Variants in ZSWIM5 observed in about 807,000 individuals in gnomAD.
The protein encoded by ZSWIM5 is zinc finger SWIM domain-containing protein 5.
ZSWIM5 carries 55 observed loss-of-function variants against 119.6 expected under a neutral mutation model. The ratio of observed to expected loss-of-function variants is 0.46; its 90% confidence interval spans 0.37 to 0.58. The LOEUF is 0.58. ZSWIM5 is among the 20% of genes least tolerant of loss of function. ZSWIM5 has a pLI of 0.00. For missense variants in ZSWIM5, 1,193 were observed against 1,512.8 expected, an observed-to-expected ratio of 0.79 and a Z score of 3.51; for synonymous variants, 537 against 606.9, an observed-to-expected ratio of 0.88 and a Z score of 1.69.
intron 3 of ZSWIM5, 131 bp from the exon 4 acceptor site, chr1:45,058,890 G>T: frequency 9.7e-7 from 1 of 1,027,082 alleles, no homozygotes; most frequent in African/African-American, 1.6e-5. Flanking sequence ...CAGAAAGAAG[G>T]CCTCTTGTTC....
Position 45,036,056 on chromosome 1 carries a change from C to T in ZSWIM5, c.2138G>A (p.Cys713Tyr), listed in dbSNP as rs780357814. 1.2e-6 allele frequency: 2 copies of T among 1,613,870 alleles called. No homozygotes were observed. The highest frequency in any genetic ancestry group is 8.5e-7 in the Non-Finnish European group (1 of 1,179,942). ...CTACTTACCTTCCAGCAGTAAGATG[C>T]ATTGTTTTTGCAGTGTTTGCACTAG... ...DELVQTLQKQ[C>Y]ILLLEGGPFS... Residue 713 changes from cysteine to tyrosine, a missense_variant, in exon 9 of 14, where the codon TGC becomes TAC. Cys to Tyr is a radical substitution (Grantham distance 194). Coordinates refer to ENST00000359600, the MANE Select transcript of ZSWIM5 (RefSeq NM_020883.2).
chr1:45,157,295 C>T (rs865821488), intron 1 of ZSWIM5, among the ~76,000 whole-genome samples: 5 of 152,268 alleles, frequency 3.3e-5, no homozygotes, highest in Middle Eastern at 3.4e-3. Flanking sequence ...CTGCCTCAGC[C>T]TCCCAAGTAG....
chr1:45,038,062 T>C (rs1356939449), intron 8 of ZSWIM5, among the ~76,000 whole-genome samples: 1 of 152,214 alleles, frequency 6.6e-6, no homozygotes, highest in African/African-American at 2.4e-5. Context: ...TGTAGCATGC[T>C]AAATACTAAA....
chr1:45,138,651 C>T (rs1645704523), intron 1 of ZSWIM5, among the ~76,000 whole-genome samples: 1 of 152,000 alleles, frequency 6.6e-6, no homozygotes, highest in African/African-American at 2.4e-5. Flanking sequence ...CTTCATTATA[C>T]AGGCATGATT....
intron 7 of ZSWIM5, 136 bp from the exon 8 acceptor site, chr1:45,039,209 G>T: frequency 8.9e-7 from 1 of 1,125,806 alleles, no homozygotes; most frequent in Non-Finnish European, 1.3e-6. Flanking sequence ...CTTGCCTTGG[G>T]TTGATACGGC....
At chr1:45,131,064 T>C (rs1447550605) in intron 1 of ZSWIM5, among the ~76,000 whole-genome samples, 1 of 152,176 alleles carries the variant, frequency 6.6e-6, no homozygotes, top group East Asian at 1.9e-4. Flanking sequence ...AGATTAGTGG[T>C]TGGCAGGGAT....
chr1:45,056,928 G>C (rs766374307), intron 4 of ZSWIM5, among the ~76,000 whole-genome samples: 10 of 152,196 alleles, frequency 6.6e-5, no homozygotes, highest in Admixed American at 1.3e-4. Flanking sequence ...ATGGAAAGTA[G>C]TGAGCCATTT....
In ZSWIM5 at chr1:45,151,214, T is replaced by A. The variant is rs559573232; in HGVS notation, c.595+54542A>T. Among the ~76,000 whole-genome samples the A allele has an allele frequency of 1.6e-4, 24 of 152,114 alleles. No homozygotes were observed. The South Asian group carries it at 4.4e-3, about 28-fold the overall frequency. On this transcript the variant is annotated intron_variant, in intron 1 of 13. Transcript: ENST00000359600. ...TATTTACTACCATCTGATTATTGAG[T>A]TAATATATATATACTTAAAAGTTAT...
At chr1:45,196,039 T>TG (rs1646120532) in intron 1 of ZSWIM5, among the ~76,000 whole-genome samples, 1 of 144,386 alleles carries the variant, frequency 6.9e-6, no homozygotes, top group Non-Finnish European at 1.5e-5. Context: ...AGCTAGTTTT[T>TG]TTTTTTTTTT....
At chr1:45,169,154 A>G (rs1191824260) in intron 1 of ZSWIM5, among the ~76,000 whole-genome samples, 1 of 151,530 alleles carries the variant, frequency 6.6e-6, no homozygotes, top group Non-Finnish European at 1.5e-5. Flanking sequence ...TTACACTTCC[A>G]ATCTGTATAT....
At chr1:45,087,252 G>A (rs1645336434) in intron 2 of ZSWIM5, among the ~76,000 whole-genome samples, 1 of 152,148 alleles carries the variant, frequency 6.6e-6, no homozygotes, top group South Asian at 2.1e-4. Flanking sequence ...ATAAAAACAA[G>A]CATTTGTTTC....
chr1:45,143,649 A>C (rs1156387491), intron 1 of ZSWIM5, among the ~76,000 whole-genome samples: 1 of 152,196 alleles, frequency 6.6e-6, no homozygotes, highest in Non-Finnish European at 1.5e-5. Flanking sequence ...TGAACACTGT[A>C]CTGAAAATCT....
intron 1 of ZSWIM5, among the ~76,000 whole-genome samples, chr1:45,167,033 G>T (rs1295414373): frequency 6.6e-6 from 1 of 152,082 alleles, no homozygotes; most frequent in Non-Finnish European, 1.5e-5. Context: ...TAAGCCAAAA[G>T]AACAAAGCTG....
At chr1:45,044,787 AT>A (rs1246568809) in intron 5 of ZSWIM5, among the ~76,000 whole-genome samples, 1 of 3,034 alleles carries the variant, frequency 3.3e-4, no homozygotes, top group Non-Finnish European at 6.4e-4. Flanking sequence ...ATATATATAT[AT>A]AAATATATAT....
chr1:45,084,829 G>T (rs1052533870), intron 2 of ZSWIM5, among the ~76,000 whole-genome samples: 2 of 152,264 alleles, frequency 1.3e-5, no homozygotes, highest in African/African-American at 4.8e-5. Flanking sequence ...TCAAGGGCTG[G>T]TGTTGAGTGC....
intron 2 of ZSWIM5, among the ~76,000 whole-genome samples, chr1:45,074,278 CTA>C (rs1645242988): frequency 6.6e-6 from 1 of 151,886 alleles, no homozygotes; most frequent in Non-Finnish European, 1.5e-5. Context: ...TCTTCCTCCT[CTA>C]TTTTCAGAAT....
intron 1 of ZSWIM5, among the ~76,000 whole-genome samples, chr1:45,116,235 C>T (rs1157463630): frequency 7.6e-6 from 1 of 131,052 alleles, no homozygotes; most frequent in East Asian, 2.0e-4. Flanking sequence ...AGTTTCATTG[C>T]TTTCATAACT....
At chr1:45,116,746 T>G (rs983778687) in intron 1 of ZSWIM5, among the ~76,000 whole-genome samples, 5 of 151,282 alleles carry the variant, frequency 3.3e-5, no homozygotes, top group Admixed American at 3.3e-4. Context: ...AGGACTTTTG[T>G]TTTTTTTTAA....
intron 1 of ZSWIM5, among the ~76,000 whole-genome samples, chr1:45,089,682 C>G (rs1163979433): frequency 6.6e-6 from 1 of 152,078 alleles, no homozygotes; most frequent in Non-Finnish European, 1.5e-5. Flanking sequence ...TATCAAAACC[C>G]ACAGACATGC....
Sources: gnomAD v4.1 joint callset for allele counts (sites outside exome capture counted in the v4.1 genomes callset) on GRCh38, gnomAD v4.1.1 for gene constraint, MANE v1.5 for transcripts, NCBI Gene and HGNC (gene_info 2026-07-23, HGNC 2026-07-21) for gene names.